Variants in TBC1D32 observed in about 807,000 individuals in gnomAD.
The protein encoded by TBC1D32 is protein broad-minded.
Under a neutral mutation model 170.3 loss-of-function variants are expected in TBC1D32, and 151 were observed. The observed-to-expected ratio is 0.89, with a 90% CI of 0.78 to 1.01. TBC1D32 has a LOEUF of 1.01. Ranked by LOEUF, TBC1D32 falls within the 50% of genes least tolerant of loss-of-function variation. The pLI is 0.00. For missense variants in TBC1D32, 1,464 were observed against 1,457.1 expected, an observed-to-expected ratio of 1.00 and a Z score of -0.08; for synonymous variants, 498 against 488.0, an observed-to-expected ratio of 1.02 and a Z score of -0.27.
intron 22 of TBC1D32, among the ~76,000 whole-genome samples, chr6:121,196,801 G>A (rs1273773): frequency 0.83 from 125,539 of 152,164 alleles, 54,110 homozygotes; most frequent in Non-Finnish European, 0.94. Context: ...AAGGCCACGT[G>A]TGCTCTGAAT....
At position 121,120,959 on chromosome 6, in the gene TBC1D32, T is replaced by A. The variant is rs78745151; in HGVS notation, c.2983+5419A>T. On this transcript the variant is annotated intron_variant, in intron 26 of 31. Transcript: ENST00000398212. ...ATATAGGGTCATCTGTATATTCACA[T>A]GTATCTAATTATGTGAATTGTTAGA... 1.5e-3 allele frequency among the ~76,000 whole-genome samples: 231 copies of A among 152,166 alleles called. 1 individual carries two copies. Among genetic ancestry groups the A allele is most frequent in the African/African-American group, 5.4e-3 (224 of 41,560 alleles).
At chr6:121,334,493 A>T, upstream of TBC1D32, 1 of 1,513,300 alleles carries the variant, frequency 6.6e-7, no homozygotes, top group Non-Finnish European at 8.9e-7. Flanking sequence ...CGCACTGCGC[A>T]CGCGCACGCG....
intron 12 of TBC1D32, among the ~76,000 whole-genome samples, chr6:121,286,889 A>G (rs1364028579): frequency 6.6e-6 from 1 of 152,218 alleles, no homozygotes; most frequent in East Asian, 1.9e-4. Flanking sequence ...AGAATTTCAT[A>G]TCCAGCCAAA....
chr6:121,132,412 T>C (rs182793010), intron 24 of TBC1D32, among the ~76,000 whole-genome samples: 13 of 152,120 alleles, frequency 8.5e-5, no homozygotes, highest in African/African-American at 2.9e-4. Flanking sequence ...GATGAGAAGT[T>C]GAGACCAGAG....
intron 17 of TBC1D32, among the ~76,000 whole-genome samples, chr6:121,244,936 C>T (rs931101130): frequency 1.3e-5 from 2 of 152,178 alleles, no homozygotes; most frequent in Non-Finnish European, 2.9e-5. Context: ...TTAAAGCAAA[C>T]TTAAAACTCA....
intron 11 of TBC1D32, 144 bp from the exon 12 acceptor site, chr6:121,292,337 C>A: frequency 1.3e-6 from 1 of 765,172 alleles, no homozygotes; most frequent in East Asian, 3.1e-5. Flanking sequence ...ATTTGTTTTC[C>A]TTATTGTTTC....
intron 12 of TBC1D32, among the ~76,000 whole-genome samples, chr6:121,289,375 A>G (rs185696552): frequency 2.6e-5 from 4 of 152,316 alleles, no homozygotes; most frequent in African/African-American, 9.6e-5. Context: ...ACAAACAGCC[A>G]AATCATGAGT....
At chr6:121,303,486 A>G (rs575181712) in intron 9 of TBC1D32, 131 bp downstream of exon 9, 4 of 761,654 alleles carry the variant, frequency 5.3e-6, no homozygotes, top group Admixed American at 4.3e-5. Context: ...GTAAAGTTTT[A>G]TAAGAAATAA....
intron 30 of TBC1D32, among the ~76,000 whole-genome samples, chr6:121,094,531 A>C (rs1306240231): frequency 6.6e-6 from 1 of 152,206 alleles, no homozygotes; most frequent in Non-Finnish European, 1.5e-5. Flanking sequence ...AGGACAGAAG[A>C]AATAGTATGT....
At chr6:121,230,580 G>GA (rs1293654107) in intron 20 of TBC1D32, among the ~76,000 whole-genome samples, 1 of 151,422 alleles carries the variant, frequency 6.6e-6, no homozygotes, top group Non-Finnish European at 1.5e-5. Flanking sequence ...TGTGTCCACA[G>GA]AAAAAATAAA....
At chr6:121,208,584 G>C (rs1278511472) in intron 21 of TBC1D32, among the ~76,000 whole-genome samples, 1 of 151,638 alleles carries the variant, frequency 6.6e-6, no homozygotes, top group African/African-American at 2.4e-5. Context: ...ATATCATCCT[G>C]GATTACCAAA....
rs370490594 is a variant in TBC1D32 at position 121,126,070 on chromosome 6, A to C, written c.2983+308T>G. Among the ~76,000 whole-genome samples the C allele has an allele frequency of 2.3e-4, 35 of 152,350 alleles. 1 individual carries two copies. In the South Asian group the frequency reaches 3.5e-3, roughly 15 times the overall value. ...TCAATATATGAGAGATAGGTAAAAC[A>C]GTATAAGCAGAGGAGACCACTAGGG... On this transcript the variant is annotated intron_variant, in intron 26 of 31. Coordinates refer to ENST00000398212, the MANE Select transcript of TBC1D32 (RefSeq NM_152730.6).
intron 30 of TBC1D32, among the ~76,000 whole-genome samples, chr6:121,103,599 G>T: frequency 9.5e-6 from 1 of 105,382 alleles, no homozygotes; most frequent in East Asian, 3.5e-4. Flanking sequence ...AGGGGGGAGG[G>T]GGGAGGGATA....
intron 30 of TBC1D32, among the ~76,000 whole-genome samples, chr6:121,100,359 C>G (rs769860691): frequency 6.6e-6 from 1 of 151,906 alleles, no homozygotes; most frequent in African/African-American, 2.4e-5. Context: ...CTAATGTTGA[C>G]AGTGGTGTGT....
intron 1 of TBC1D32, among the ~76,000 whole-genome samples, chr6:121,326,179 A>C (rs1810435326): frequency 6.6e-6 from 1 of 152,186 alleles, no homozygotes; most frequent in East Asian, 1.9e-4. Context: ...ACATTAACAA[A>C]ATGTAGTCAA....
chr6:121,155,544 G>C (rs1184242492), intron 24 of TBC1D32, among the ~76,000 whole-genome samples: 1 of 152,112 alleles, frequency 6.6e-6, no homozygotes, highest in Non-Finnish European at 1.5e-5. Flanking sequence ...TGTTGAACAA[G>C]TGTAGTGAGA....
intron 22 of TBC1D32, among the ~76,000 whole-genome samples, chr6:121,182,518 A>T (rs1484570623): frequency 6.6e-6 from 1 of 152,060 alleles, no homozygotes; most frequent in Non-Finnish European, 1.5e-5. Flanking sequence ...TCATCTAATA[A>T]ACAGACTTAA....
intron 11 of TBC1D32, 78 bp downstream of exon 11, chr6:121,294,492 T>A: frequency 9.5e-7 from 1 of 1,051,976 alleles, no homozygotes. Flanking sequence ...CATTAAAAAA[T>A]AAAAGTTCCT....
In TBC1D32 at chr6:121,308,121, CTT is replaced by C. The variant is rs769027333; in HGVS notation, c.565-22_565-21del. On this transcript the variant is annotated intron_variant, in intron 4 of 31. Coordinates refer to ENST00000398212, the MANE Select transcript of TBC1D32 (RefSeq NM_152730.6). ...TCTCACCTACAATTTTTTTAAAAGA[CTT>C]TTATTAACACTCAGTCACTAAAATA... 1 of 1,605,672 alleles carries C rather than the reference CTT, an allele frequency of 6.2e-7. No homozygotes were observed.
Sources: gnomAD v4.1 joint callset for allele counts (sites outside exome capture counted in the v4.1 genomes callset) on GRCh38, gnomAD v4.1.1 for gene constraint, MANE v1.5 for transcripts, NCBI Gene and HGNC (gene_info 2026-07-23, HGNC 2026-07-21) for gene names.